Variants in MCTP2 observed in about 807,000 individuals in gnomAD.
MCTP2 encodes the protein multiple C2 and transmembrane domain-containing protein 2.
A neutral mutation model predicts 111.6 loss-of-function variants in MCTP2; 132 were observed. The observed-to-expected ratio is 1.18, with a 90% CI of 1.03 to 1.37. MCTP2 has a LOEUF of 1.37. Among genes scored for constraint, MCTP2 ranks in the 40% most tolerant of loss-of-function variants. MCTP2 has a pLI of 0.00. For missense variants in MCTP2, 1,183 were observed against 1,067.9 expected (o/e 1.11, Z -1.50); for synonymous variants, 395 against 387.7 (o/e 1.02, Z -0.22).
At chr15:94,370,283 C>T in intron 12 of MCTP2, 103 bp downstream of exon 12, 1 of 801,572 alleles carries the variant, frequency 1.2e-6, no homozygotes, top group Non-Finnish European at 1.9e-6. Flanking sequence ...ATGACTATAA[C>T]AGTCATGCTC....
chr15:94,241,263 G>T (rs767633399), intron 1 of MCTP2, among the ~76,000 whole-genome samples: 1 of 152,182 alleles, frequency 6.6e-6, no homozygotes, highest in East Asian at 1.9e-4. Context: ...AATCTGATGT[G>T]CCGGGCACAG....
intron 4 of MCTP2, among the ~76,000 whole-genome samples, chr15:94,324,332 G>C (rs8024323): frequency 0.081 from 12,298 of 152,302 alleles, 1,232 homozygotes; most frequent in African/African-American, 0.23. Context: ...TTAAAACCCT[G>C]TGCTTTGCTG....
At chr15:94,465,439 G>A (rs950038405) in intron 20 of MCTP2, among the ~76,000 whole-genome samples, 1 of 152,048 alleles carries the variant, frequency 6.6e-6, no homozygotes, top group Non-Finnish European at 1.5e-5. Context: ...GAACAATTAT[G>A]GTAAGATAAT....
intron 1 of MCTP2, among the ~76,000 whole-genome samples, chr15:94,296,980 C>T (rs1333991338): frequency 2.6e-5 from 4 of 152,188 alleles, no homozygotes; most frequent in Non-Finnish European, 2.9e-5. Flanking sequence ...GACCATTCTT[C>T]ACAATGATAA....
intron 17 of MCTP2, among the ~76,000 whole-genome samples, chr15:94,415,672 A>G (rs2082339544): frequency 6.6e-6 from 1 of 151,402 alleles, no homozygotes; most frequent in Non-Finnish European, 1.5e-5. Context: ...CCATTCTGAG[A>G]TGTTTCCCCT....
intron 19 of MCTP2, among the ~76,000 whole-genome samples, chr15:94,450,721 A>G (rs949469542): frequency 6.6e-6 from 1 of 152,168 alleles, no homozygotes; most frequent in Non-Finnish European, 1.5e-5. Context: ...TTTTGCATTA[A>G]TCTCTTCTGA....
chr15:94,320,315 G>T (rs1371383854), intron 4 of MCTP2, among the ~76,000 whole-genome samples: 1 of 151,856 alleles, frequency 6.6e-6, no homozygotes, highest in Non-Finnish European at 1.5e-5. Context: ...GCTAATTTTT[G>T]TATTTTTAGT....
Position 94,476,916 on chromosome 15 carries a change from A to C in MCTP2, c.2568+123A>C, listed in dbSNP as rs1596875598. 3.2e-5 allele frequency: 20 copies of C among 633,520 alleles called. No individual in the cohort carries two copies. The East Asian group carries it at 5.5e-4, about 17-fold the overall frequency. The allele number at this position is 633,520 out of a possible 1,614,324, so 39.2% of individuals were successfully genotyped here. On this transcript the variant is annotated intron_variant, in intron 22 of 22. Transcript: ENST00000357742. ...GAGATAAGGAACCAGAAAATCCTTAAAGAGGCCTGGCTTGCAGAGAAGTGG... is the reference window on the plus strand; with the variant it reads ...GAGATAAGGAACCAGAAAATCCTTACAGAGGCCTGGCTTGCAGAGAAGTGG...
intron 14 of MCTP2, among the ~76,000 whole-genome samples, chr15:94,393,395 C>T (rs1489753099): frequency 6.6e-6 from 1 of 152,122 alleles, no homozygotes; most frequent in East Asian, 1.9e-4. Flanking sequence ...TGATAAACTA[C>T]TTAAGTAATT....
chr15:94,358,667 C>A, intron 10 of MCTP2, 55 bp downstream of exon 10: 2 of 1,595,226 alleles, frequency 1.3e-6, no homozygotes, highest in South Asian at 2.3e-5. Context: ...GGGGCTGGTT[C>A]TGAGAGGTGA....
At chr15:94,401,123 G>C (rs2081567333) in intron 16 of MCTP2, among the ~76,000 whole-genome samples, 1 of 152,072 alleles carries the variant, frequency 6.6e-6, no homozygotes, top group African/African-American at 2.4e-5. Context: ...CTCCACGTGG[G>C]GTGGCTTTGG....
chr15:94,456,863 G>C (rs1180924478), intron 19 of MCTP2, among the ~76,000 whole-genome samples: 1 of 152,160 alleles, frequency 6.6e-6, no homozygotes, highest in Non-Finnish European at 1.5e-5. Flanking sequence ...GTTTCATAAA[G>C]GCAGATGCAA....
At chr15:94,435,585 T>TA (rs1393183269) in intron 17 of MCTP2, among the ~76,000 whole-genome samples, 2 of 151,564 alleles carry the variant, frequency 1.3e-5, no homozygotes, top group East Asian at 3.9e-4. Flanking sequence ...TTTGTACATT[T>TA]AAAAAATCAT....
chr15:94,273,056 C>T (rs962172574), intron 1 of MCTP2, among the ~76,000 whole-genome samples: 9 of 152,170 alleles, frequency 5.9e-5, no homozygotes, highest in African/African-American at 1.2e-4. Flanking sequence ...TACTTCTCAG[C>T]GAATTACCCT....
chr15:94,452,734 G>A (rs2084542935), intron 19 of MCTP2, among the ~76,000 whole-genome samples: 1 of 152,108 alleles, frequency 6.6e-6, no homozygotes, highest in Non-Finnish European at 1.5e-5. Flanking sequence ...TATTAATGAA[G>A]CATCCAAGCT....
At chr15:94,352,603 G>A (rs1292184842) in intron 8 of MCTP2, among the ~76,000 whole-genome samples, 1 of 152,204 alleles carries the variant, frequency 6.6e-6, no homozygotes, top group Non-Finnish European at 1.5e-5. Context: ...GTCTGTTTCA[G>A]TTCAGGTGGG....
At chr15:94,427,336 T>G (rs1202004139) in intron 17 of MCTP2, among the ~76,000 whole-genome samples, 1 of 152,174 alleles carries the variant, frequency 6.6e-6, no homozygotes, top group Non-Finnish European at 1.5e-5. Flanking sequence ...AAGACATACC[T>G]GAGACTCAGT....
chr15:94,428,298 G>T lies in MCTP2; in HGVS notation c.2086-11878G>T, dbSNP rs115731423. ...AGGATTCTAAATTGAAAGACTGAAA[G>T]AATATATACGTTAAATTATTCTACT... On this transcript the variant is annotated intron_variant, in intron 17 of 22. Coordinates refer to ENST00000357742, the MANE Select transcript of MCTP2 (RefSeq NM_001385001.1). 2.5e-3 allele frequency among the ~76,000 whole-genome samples: 374 copies of T among 152,306 alleles called. 1 individual carries two copies. The highest frequency in any genetic ancestry group is 8.4e-3 in the African/African-American group (348 of 41,570).
At chr15:94,345,100 T>G in intron 7 of MCTP2, 29 bp from the exon 8 acceptor site, 2 of 1,611,812 alleles carry the variant, frequency 1.2e-6, no homozygotes, top group Non-Finnish European at 1.7e-6. Flanking sequence ...TTTTGCCATT[T>G]TCACCATTCC....
Sources: gnomAD v4.1 joint callset for allele counts (sites outside exome capture counted in the v4.1 genomes callset) on GRCh38, gnomAD v4.1.1 for gene constraint, MANE v1.5 for transcripts, NCBI Gene and HGNC (gene_info 2026-07-23, HGNC 2026-07-21) for gene names.